The following ASXL2 variants were observed in gnomAD, a reference collection of about 807,000 sequenced individuals.
ASXL2 encodes putative Polycomb group protein ASXL2.
Under a neutral mutation model 122.0 loss-of-function variants are expected in ASXL2, and 23 were observed. The observed-to-expected ratio is 0.19, with a 90% CI of 0.14 to 0.27. ASXL2 has a LOEUF of 0.27. Among genes scored for constraint, ASXL2 ranks in the 10% least tolerant of loss-of-function variants. The probability of loss-of-function intolerance (pLI) is 1.00; values close to 1 mark genes in which losing one functional copy is unlikely to be tolerated. For synonymous variants in ASXL2, 650 were observed against 637.0 expected, an observed-to-expected ratio of 1.02 and a Z score of -0.31; for missense variants, 1,518 against 1,713.8, an observed-to-expected ratio of 0.89 and a Z score of 2.02.
In ASXL2 at chr2:25,878,146, C is replaced by G. The variant is rs1219878208; in HGVS notation, c.57+20G>C. 6.2e-7 allele frequency: 1 copy of G among 1,613,766 alleles called. No homozygotes were observed. Among genetic ancestry groups the G allele is most frequent in the South Asian group, 1.1e-5 (1 of 91,084 alleles). ...GGAACAAAATCCTCCCGGCCTTCCC[C>G]TTCGCTCCCTCCCCCTTACCGTCTT... On this transcript the variant is annotated intron_variant, in intron 1 of 12. Transcript: ENST00000435504.
intron 1 of ASXL2, chr2:25,856,727 G>A (rs564385083): frequency 2.5e-5 from 33 of 1,298,336 alleles, no homozygotes; most frequent in South Asian, 1.9e-4. Context: ...TCACCGAGCC[G>A]ATCTGGTTGA....
intron 1 of ASXL2, among the ~76,000 whole-genome samples, chr2:25,869,614 G>T (rs974869002): frequency 1.3e-5 from 2 of 151,976 alleles, no homozygotes; most frequent in African/African-American, 2.4e-5. Context: ...CTTAGGTCAG[G>T]AGTTCGAGAC....
chr2:25,859,711 A>G (rs1327661443), intron 1 of ASXL2, among the ~76,000 whole-genome samples: 3 of 152,232 alleles, frequency 2.0e-5, no homozygotes, highest in Non-Finnish European at 4.4e-5. Flanking sequence ...GATAGACTAC[A>G]TTCTGAGCCA....
At chr2:25,822,470 T>A (rs1194295445) in intron 3 of ASXL2, 2 of 476,090 alleles carry the variant, frequency 4.2e-6, no homozygotes, top group Admixed American at 5.8e-5. Flanking sequence ...CTGTTCACAA[T>A]GCAGCCTGCT....
At position 25,744,501 on chromosome 2, in the gene ASXL2, A is replaced by G. The variant is rs772992733; in HGVS notation, c.1861-25T>C. On this transcript the variant is annotated intron_variant, in intron 12 of 12. Transcript: ENST00000435504. The surrounding 1 kb of genome is among the most constrained non-coding windows in gnomAD (Gnocchi z 4.7). The stretch of plus-strand genomic sequence containing the variant: ...TCTGAAAGAAGTAGAGGGGAAAAAA[A>G]CAACAGAGCTTAGTTTTCATTTGTA... The G allele has an allele frequency of 6.4e-7, 1 of 1,562,786 alleles. No homozygotes were observed. The highest frequency in any genetic ancestry group is 2.1e-5 in the Admixed American group (1 of 47,406).
chr2:25,852,224 T>C (rs1486277937), intron 1 of ASXL2, among the ~76,000 whole-genome samples: 1 of 152,192 alleles, frequency 6.6e-6, no homozygotes, highest in Non-Finnish European at 1.5e-5. Context: ...ATAACTAAAA[T>C]CAACACTACA....
At chr2:25,871,716 T>C (rs1164158046) in intron 1 of ASXL2, among the ~76,000 whole-genome samples, 3 of 152,188 alleles carry the variant, frequency 2.0e-5, no homozygotes, top group Admixed American at 2.0e-4. Context: ...CTCAGCCTCC[T>C]GAGTAGCTGA....
Position 25,753,527 on chromosome 2 carries a change from A to G in ASXL2, c.1142+7T>C, listed in dbSNP as rs1439547806. On this transcript the variant is annotated splice_region_variant and intron_variant, in intron 11 of 12. Coordinates refer to ENST00000435504, the MANE Select transcript of ASXL2 (RefSeq NM_018263.6). ...CATTTGGTTTATAGAACCTGTCCTA[A>G]TATTACCTCTGCCCATAGTAGCTTT... is the stretch of plus-strand genomic sequence containing the variant. 1.9e-6 allele frequency: 3 copies of G among 1,608,864 alleles called. No individual in the cohort carries two copies. Among genetic ancestry groups the G allele is most frequent in the Non-Finnish European group, 2.6e-6 (3 of 1,176,100 alleles).
chr2:25,848,968 C>T (rs553957859), intron 1 of ASXL2, among the ~76,000 whole-genome samples: 27 of 147,350 alleles, frequency 1.8e-4, no homozygotes, highest in Non-Finnish European at 5.9e-5. Flanking sequence ...ACCGCTTGGA[C>T]CAGGAGGCGG....
intron 3 of ASXL2, among the ~76,000 whole-genome samples, chr2:25,820,424 T>C (rs2089295045): frequency 6.6e-6 from 1 of 152,184 alleles, no homozygotes; most frequent in South Asian, 2.1e-4. Context: ...AAAGTAAGTA[T>C]ATGAGAAAAG....
At chr2:25,778,661 T>A (rs1245804899) in intron 5 of ASXL2, among the ~76,000 whole-genome samples, 1 of 152,194 alleles carries the variant, frequency 6.6e-6, no homozygotes, top group Non-Finnish European at 1.5e-5. Flanking sequence ...TAAAAATATA[T>A]ACTTAGCACC....
chr2:25,864,767 G>A (rs949253114), intron 1 of ASXL2, among the ~76,000 whole-genome samples: 5 of 151,450 alleles, frequency 3.3e-5, no homozygotes, highest in African/African-American at 1.2e-4. Flanking sequence ...AATTATACTA[G>A]GTATAAATCT....
chr2:25,778,288 A>G (rs1574411440), intron 5 of ASXL2, among the ~76,000 whole-genome samples: 1 of 152,252 alleles, frequency 6.6e-6, no homozygotes, highest in Non-Finnish European at 1.5e-5. Flanking sequence ...TAAGAGATGC[A>G]TAAGGGAAGA....
chr2:25,853,012 G>A (rs1435829406), intron 1 of ASXL2, among the ~76,000 whole-genome samples: 1 of 152,168 alleles, frequency 6.6e-6, no homozygotes, highest in Non-Finnish European at 1.5e-5. Context: ...TGGAATTGAG[G>A]AATAATTGTT....
At chr2:25,840,485 G>A (rs1053112565) in intron 2 of ASXL2, among the ~76,000 whole-genome samples, 4 of 152,126 alleles carry the variant, frequency 2.6e-5, no homozygotes, top group South Asian at 2.1e-4. Context: ...CGTTTTCAAC[G>A]TCTCTAACAG....
chr2:25,856,401 T>TTTTC, intron 1 of ASXL2: 1 of 606,024 alleles, frequency 1.7e-6, no homozygotes, highest in South Asian at 1.6e-5. Context: ...AGTGTTTATT[T>TTTTC]CAGGAAGCAG....
chr2:25,878,384 C>T lies in ASXL2; in HGVS notation c.-162G>A. Reference sequence around the variant, plus strand: ...AGCAGAGGAAGCGGCGGGGGTGGTGCGCGGGGGGGTCTATGGGGCGGCCGG... The same window carrying T: ...AGCAGAGGAAGCGGCGGGGGTGGTGTGCGGGGGGGTCTATGGGGCGGCCGG... On this transcript the variant is annotated 5_prime_UTR_variant, in exon 1 of 13. Coordinates refer to ENST00000435504, the MANE Select transcript of ASXL2 (RefSeq NM_018263.6). The T allele has an allele frequency of 3.2e-6, 2 of 617,610 alleles. No homozygotes were observed. Among genetic ancestry groups the T allele is most frequent in the Non-Finnish European group, 5.6e-6 (2 of 359,030 alleles). 38.3% of individuals were successfully genotyped at this position (617,610 alleles called of 1,614,324 possible). A position where few individuals can be genotyped will look rare whatever the true frequency, so the allele number is the denominator to read the frequency against.
chr2:25,784,097 A>ATAAG (rs2088696339), intron 5 of ASXL2, among the ~76,000 whole-genome samples: 1 of 147,094 alleles, frequency 6.8e-6, no homozygotes, highest in Non-Finnish European at 1.5e-5. Flanking sequence ...AAATAAATAA[A>ATAAG]TATAAAGTTA....
In ASXL2 at chr2:25,777,530, C is replaced by T. The variant is rs141483050; in HGVS notation, c.404-5990G>A. 2.0e-5 allele frequency among the ~76,000 whole-genome samples: 3 copies of T among 151,838 alleles called. No individual in the cohort carries two copies. The East Asian group carries it at 5.8e-4, about 29-fold the overall frequency. ...TGGTGGCATAAACTTGTAGTCCCAG[C>T]TACTTGGGAGGTTGCACTCCAGCCT... is the stretch of plus-strand genomic sequence containing the variant. On this transcript the variant is annotated intron_variant, in intron 5 of 12. Transcript: ENST00000435504.
Sources: allele counts gnomAD v4.1 joint callset (sites outside exome capture counted in the v4.1 genomes callset), GRCh38; gene constraint gnomAD v4.1.1; non-coding constraint Gnocchi (gnomAD v3.1); transcripts MANE v1.5; gene names NCBI Gene and HGNC (gene_info 2026-07-23, HGNC 2026-07-21).